SPMIP8: variants seen among roughly 807,000 people sequenced by gnomAD.
SPMIP8 encodes testicular tissue protein Li 196.
chr16:57,987,470 C>G, the SPMIP8 span: 3 of 1,565,580 alleles, frequency 1.9e-6, no homozygotes, highest in Non-Finnish European at 2.6e-6. Context: ...GACGGTGCCA[C>G]CTCAGGTCCC....
At chr16:57,983,775 C>T in the SPMIP8 span, among the ~76,000 whole-genome samples, 1 of 152,170 alleles carries the variant, frequency 6.6e-6, no homozygotes, top group African/African-American at 2.4e-5. Context: ...CCACACTCAA[C>T]TAATTTTTCG....
chr16:57,985,513 G>A, the SPMIP8 span: 1 of 1,611,564 alleles, frequency 6.2e-7, no homozygotes, highest in Non-Finnish European at 8.5e-7. Context: ...AGCCTGGACC[G>A]CTACGGACAG....
the SPMIP8 span, chr16:57,984,848 TG>T: frequency 2.0e-5 from 31 of 1,557,422 alleles, no homozygotes; most frequent in Non-Finnish European, 2.6e-5. Context: ...GCCGGGCAGG[TG>T]GGCCGCGGGG....
At chr16:57,978,094 A>G in the SPMIP8 span, 2 of 1,541,148 alleles carry the variant, frequency 1.3e-6, no homozygotes, top group Middle Eastern at 1.7e-4. Context: ...GTTTCAGGAA[A>G]GAGGGAGACA....
the SPMIP8 span, chr16:57,986,248 A>C: frequency 3.3e-5 from 11 of 329,506 alleles, no homozygotes; most frequent in East Asian, 5.0e-5. Context: ...AATAAGAAAC[A>C]CAAGGGAGAG....
At chr16:57,980,349 T>C in the SPMIP8 span, among the ~76,000 whole-genome samples, 1 of 152,242 alleles carries the variant, frequency 6.6e-6, no homozygotes, top group East Asian at 1.9e-4. Flanking sequence ...CATGTTCGCT[T>C]TGAGGTGGAG....
the SPMIP8 span, chr16:57,977,992 C>T: frequency 6.2e-7 from 1 of 1,614,092 alleles, no homozygotes; most frequent in Non-Finnish European, 8.5e-7. Context: ...ACCGTCAAGG[C>T]CTGCCTTCCT....
chr16:57,978,113 G>C, the SPMIP8 span: 23 of 1,495,116 alleles, frequency 1.5e-5, no homozygotes, highest in African/African-American at 1.7e-4. Context: ...CAGATGCAAG[G>C]ATGAAAGAGG....
the SPMIP8 span, chr16:57,987,680 G>T: frequency 4.9e-6 from 2 of 409,468 alleles, no homozygotes; most frequent in Non-Finnish European, 8.6e-6. Flanking sequence ...GAGGACTGGT[G>T]GGGGGTTGGA....
chr16:57,985,495 A>G, the SPMIP8 span: 56 of 1,613,384 alleles, frequency 3.5e-5, no homozygotes, highest in Non-Finnish European at 4.6e-5. Flanking sequence ...TGCCTCAGCC[A>G]GAACCCCAGC....
chr16:57,986,074 G>C, the SPMIP8 span: 1 of 1,168,782 alleles, frequency 8.6e-7, no homozygotes, highest in Non-Finnish European at 1.2e-6. Flanking sequence ...GGCCCTCCTG[G>C]GAGGGCGCGA....
chr16:57,978,818 A>G, the SPMIP8 span, among the ~76,000 whole-genome samples: 49 of 152,082 alleles, frequency 3.2e-4, no homozygotes, highest in East Asian at 9.2e-3. Context: ...GGGTCTCCCT[A>G]TGTTGCCTAG....
chr16:57,985,587 A>G, the SPMIP8 span: 1 of 1,555,498 alleles, frequency 6.4e-7, no homozygotes, highest in Non-Finnish European at 8.7e-7. Flanking sequence ...TATCTGGAGG[A>G]GGGAGGATGA....
At chr16:57,981,118 C>A in the SPMIP8 span, among the ~76,000 whole-genome samples, 1 of 152,078 alleles carries the variant, frequency 6.6e-6, no homozygotes, top group Non-Finnish European at 1.5e-5. Context: ...TGGCGGTTCA[C>A]GCCTGTAATT....
the SPMIP8 span, chr16:57,985,826 G>A: frequency 6.6e-7 from 1 of 1,505,716 alleles, no homozygotes; most frequent in Non-Finnish European, 8.9e-7. Flanking sequence ...GCGGGGAGAG[G>A]GGGTGGCTCC....
the SPMIP8 span, chr16:57,977,856 T>C: frequency 6.2e-7 from 1 of 1,614,100 alleles, no homozygotes; most frequent in Non-Finnish European, 8.5e-7. Context: ...GGACGATGGC[T>C]CCACACATGT....
At chr16:57,984,584 C>A in the SPMIP8 span, 1 of 1,507,724 alleles carries the variant, frequency 6.6e-7, no homozygotes, top group South Asian at 1.3e-5. Context: ...GATGGCTTCC[C>A]TAGGCTCCTG....
the SPMIP8 span, among the ~76,000 whole-genome samples, chr16:57,984,983 C>A: frequency 6.6e-6 from 1 of 152,082 alleles, no homozygotes; most frequent in African/African-American, 2.4e-5. Flanking sequence ...GCGCGCGGAT[C>A]TGGAGGCAGG....
the SPMIP8 span, chr16:57,985,244 C>A: frequency 6.4e-7 from 1 of 1,555,970 alleles, no homozygotes; most frequent in East Asian, 2.3e-5. Context: ...GTACTTGAAG[C>A]CCGACGTGAC....
Sources: allele counts gnomAD v4.1 joint callset (sites outside exome capture counted in the v4.1 genomes callset), GRCh38; gene constraint gnomAD v4.1.1; transcripts MANE v1.5; gene names NCBI Gene and HGNC (gene_info 2026-07-23, HGNC 2026-07-21).